Variants in DNTTIP2 observed in about 807,000 individuals in gnomAD.
The protein encoded by DNTTIP2 is deoxynucleotidyltransferase terminal interacting protein 2.
Under a neutral mutation model 62.4 loss-of-function variants are expected in DNTTIP2, and 47 were observed. The ratio of observed to expected loss-of-function variants is 0.75; its 90% CI spans 0.60 to 0.96. The LOEUF is 0.96. DNTTIP2 is among the 40% of genes least tolerant of loss of function. DNTTIP2 has a pLI of 0.00. For synonymous variants in DNTTIP2, 322 were observed against 300.9 expected, an observed-to-expected ratio of 1.07 and a Z score of -0.73; for missense variants, 870 against 849.1, an observed-to-expected ratio of 1.02 and a Z score of -0.31.
In DNTTIP2 at chr1:93,879,122, AG is replaced by A; in HGVS notation, c.26del (p.Ala9ValfsTer49). 6.2e-7 allele frequency: 1 copy of A among 1,613,638 alleles called. No individual in the cohort carries two copies. Among genetic ancestry groups the A allele is most frequent in the Non-Finnish European group, 8.5e-7 (1 of 1,179,870 alleles). On this transcript the variant is annotated frameshift_variant, in exon 1 of 7. Transcript: ENST00000436063. LOFTEE classifies it high-confidence loss of function. ...CCGACGCGGCTTGGATGCTGGCCTT[AG>A]CCCGTGCAGATCTGGTAACCACCAT... is the stretch of plus-strand genomic sequence containing the variant. MVVTRSAR[A>X]KASIQAASAE...
At position 93,866,472 on chromosome 1, in the gene DNTTIP2, C is replaced by T. The variant is rs1158379654; in HGVS notation, c.*3379G>A. The T allele has an allele frequency of 1.3e-5, 2 of 152,178 alleles. No individual in the cohort carries two copies. Among genetic ancestry groups the T allele is most frequent in the Non-Finnish European group, 2.9e-5 (2 of 68,038 alleles). 9.4% of individuals were successfully genotyped at this position (152,178 alleles called of 1,614,324 possible). On this transcript the variant is annotated 3_prime_UTR_variant, in exon 7 of 7. Transcript: ENST00000436063. The stretch of plus-strand genomic sequence containing the variant: ...TTGGGATCTATTGTAGGTAATTATT[C>T]TGAACAAGTTGTCACTGCCTGAGAG...
At chr1:93,874,963 C>T (rs938802325) in intron 3 of DNTTIP2, among the ~76,000 whole-genome samples, 1 of 152,120 alleles carries the variant, frequency 6.6e-6, no homozygotes, top group Non-Finnish European at 1.5e-5. Context: ...ATATCTTCCC[C>T]TAGAGGCTTG....
intron 4 of DNTTIP2, 84 bp from the exon 5 acceptor site, chr1:93,872,320 A>C: frequency 1.5e-6 from 2 of 1,340,618 alleles, no homozygotes; most frequent in Non-Finnish European, 2.0e-6. Context: ...ACACATACAG[A>C]AAATTTTGTA....
Position 93,869,905 on chromosome 1 carries a change from T to C in DNTTIP2, c.2217A>G (p.Lys739=). 1.3e-6 allele frequency: 1 copy of C among 780,104 alleles called. No individual in the cohort carries two copies. Among genetic ancestry groups the C allele is most frequent in the Non-Finnish European group, 2.4e-6 (1 of 417,632 alleles). The allele number at this position is 780,104 out of a possible 1,614,324, so 48.3% of individuals were successfully genotyped here. A position where few individuals can be genotyped will look rare whatever the true frequency, so the allele number is the denominator to read the frequency against. ...ACTTTTTTCCTGCTGCATTTGCTGC[T>C]TTTTCAGCCATGATCTCTGAGTACT... ...RRKYSEIMAE[K]AANAAGKKFR... The change falls in exon 7 of 7, where the codon AAA becomes AAG. Residue 739 remains lysine (K), a synonymous_variant. Coordinates refer to ENST00000436063, the MANE Select transcript of DNTTIP2 (RefSeq NM_014597.5).
intron 2 of DNTTIP2, 99 bp downstream of exon 2, chr1:93,876,169 A>AT: frequency 1.2e-6 from 1 of 865,428 alleles, no homozygotes; most frequent in Admixed American, 6.2e-5. Context: ...CAAGGCAGTG[A>AT]TTTTCTCATT....
Position 93,877,158 on chromosome 1 carries a change from A to T in DNTTIP2, c.777T>A (p.Asn259Lys). 6.2e-7 allele frequency: 1 copy of T among 1,613,072 alleles called. No homozygotes were observed. Among genetic ancestry groups the T allele is most frequent in the Non-Finnish European group, 8.5e-7 (1 of 1,179,862 alleles). Residue 259 changes from asparagine (N) to lysine (K), a missense_variant, in exon 2 of 7, where the codon AAT (asparagine) becomes AAA (lysine). Physicochemically the swap from Asn to Lys is moderately conservative, Grantham distance 94. Transcript: ENST00000436063. Reference protein sequence around the residue: ...ARSLSEINKPNFYNNDFDDDF... With the variant: ...ARSLSEINKPKFYNNDFDDDF... Reference sequence around the variant, plus strand: ...CATCATCAAAGTCATTATTATAGAAATTTGGCTTATTTATCTCAGAAAGAG... The same window carrying T: ...CATCATCAAAGTCATTATTATAGAATTTTGGCTTATTTATCTCAGAAAGAG...
chr1:93,867,953 T>C lies in DNTTIP2; in HGVS notation c.*1898A>G, dbSNP rs1333210371. 2 of 152,142 alleles carry C rather than the reference T, an allele frequency of 1.3e-5. No individual in the cohort carries two copies. Among genetic ancestry groups the C allele is most frequent in the Admixed American group, 1.3e-4 (2 of 15,262 alleles). The allele number at this position is 152,142 out of a possible 1,614,324, so 9.4% of individuals were successfully genotyped here. A position where few individuals can be genotyped will look rare whatever the true frequency, so the allele number is the denominator to read the frequency against. The stretch of plus-strand genomic sequence containing the variant: ...ATTTTGGACATAGGTATGGGCAGAC[T>C]GCATGACTAAAACACCAAAAGCAAT... On this transcript the variant is annotated 3_prime_UTR_variant, in exon 7 of 7. Coordinates refer to ENST00000436063, the MANE Select transcript of DNTTIP2 (RefSeq NM_014597.5).
rs766881565 is a variant in DNTTIP2 at position 93,873,140 on chromosome 1, A to G, written c.1881T>C (p.Tyr627=). Residue 627 remains tyrosine, a synonymous_variant, in exon 4 of 7, where the codon TAT becomes TAC. Coordinates refer to ENST00000436063, the MANE Select transcript of DNTTIP2 (RefSeq NM_014597.5). ...HCVPPYSESK[Y]QLQKKRRKER... The stretch of plus-strand genomic sequence containing the variant: ...TTACTCTGCGTTTTTTCTGAAGTTG[A>G]TACTTTGATTCACTATATGGTGGAA... 1 of 1,612,002 alleles carries G rather than the reference A, an allele frequency of 6.2e-7. No homozygotes were observed. The highest frequency in any genetic ancestry group is 8.5e-7 in the Non-Finnish European group (1 of 1,178,890).
At chr1:93,875,907 G>T in intron 2 of DNTTIP2, 124 bp from the exon 3 acceptor site, 1 of 955,978 alleles carries the variant, frequency 1.0e-6, no homozygotes, top group Admixed American at 3.2e-5. Context: ...AGAAAAAAAA[G>T]CATCTTATTT....
chr1:93,869,769 A>G lies in DNTTIP2; in HGVS notation c.*82T>C. On this transcript the variant is annotated 3_prime_UTR_variant, in exon 7 of 7. Coordinates refer to ENST00000436063, the MANE Select transcript of DNTTIP2 (RefSeq NM_014597.5). ...GGGCCAGTCTATGGTAAATTAATTT[A>G]GATGATGGTGTTAGTTTTCCAAACG... 4.3e-6 allele frequency: 3 copies of G among 705,678 alleles called. No individual in the cohort carries two copies. In the East Asian group the frequency reaches 7.6e-5, roughly 18 times the overall value. 43.7% of individuals were successfully genotyped at this position (705,678 alleles called of 1,614,324 possible).
intron 4 of DNTTIP2, 72 bp from the exon 5 acceptor site, chr1:93,872,308 T>G (rs1655886637): frequency 7.0e-7 from 1 of 1,438,024 alleles, no homozygotes; most frequent in South Asian, 1.3e-5. Flanking sequence ...TCCCCTGAAG[T>G]AACACATACA....
Position 93,877,533 on chromosome 1 carries a change from A to G in DNTTIP2, c.402T>C (p.Ser134=), listed in dbSNP as rs775794596. ...CTTCAGACACTATTTCTTCAGTGTAAGACTCCTTTGTTGGAGTTACTTTCG... is the reference window on the plus strand; with the variant it reads ...CTTCAGACACTATTTCTTCAGTGTAGGACTCCTTTGTTGGAGTTACTTTCG... ...KKPKVTPTKE[S]YTEEIVSEAE... is the part of the protein sequence containing the mutation. Residue 134 remains serine (S), a synonymous_variant, in exon 2 of 7, where the codon TCT becomes TCC. Coordinates refer to ENST00000436063, the MANE Select transcript of DNTTIP2 (RefSeq NM_014597.5). 7 of 1,614,050 alleles carry G rather than the reference A, an allele frequency of 4.3e-6. No individual in the cohort carries two copies. The South Asian group carries it at 4.4e-5, about 10-fold the overall frequency.
chr1:93,876,887 C>T lies in DNTTIP2; in HGVS notation c.1048G>A (p.Val350Met). 1 of 1,613,924 alleles carries T rather than the reference C, an allele frequency of 6.2e-7. No homozygotes were observed. Among genetic ancestry groups the T allele is most frequent in the Non-Finnish European group, 8.5e-7 (1 of 1,179,886 alleles). Residue 350 changes from valine to methionine, a missense_variant, in exon 2 of 7, where the codon GTG becomes ATG. Physicochemically the swap from Val to Met is conservative, Grantham distance 21. Transcript: ENST00000436063. The part of the protein sequence containing the change: ...STPQNKNAVS[V>M]HSNLNSEAVM... ...GCCTCAGAGTTCAGATTAGAGTGCA[C>T]TGATACAGCATTTTTATTTTGGGGG...
Position 93,869,680 on chromosome 1 carries a change from T to C in DNTTIP2, c.*171A>G, listed in dbSNP as rs1655808267. The C allele has an allele frequency of 1.8e-6, 1 of 563,566 alleles. No individual in the cohort carries two copies. The highest frequency in any genetic ancestry group is 3.2e-5 in the Admixed American group (1 of 31,110). 34.9% of individuals were successfully genotyped at this position (563,566 alleles called of 1,614,324 possible). A position where few individuals can be genotyped will look rare whatever the true frequency, so the allele number is the denominator to read the frequency against. Reference sequence around the variant, plus strand: ...GGGTGGGTCTTTTAGACACCCCTATTTTCTAAGGGCATGTAATCGATTCTC... The same window carrying C: ...GGGTGGGTCTTTTAGACACCCCTATCTTCTAAGGGCATGTAATCGATTCTC... On this transcript the variant is annotated 3_prime_UTR_variant, in exon 7 of 7. Transcript: ENST00000436063.
chr1:93,876,463 A>T lies in DNTTIP2; in HGVS notation c.1472T>A (p.Ile491Asn). 3 of 1,613,896 alleles carry T rather than the reference A, an allele frequency of 1.9e-6. No homozygotes were observed. The highest frequency in any genetic ancestry group is 2.5e-6 in the Non-Finnish European group (3 of 1,179,874). ...AGCACTCATTCCAGGAGTTGTGTCA[A>T]TTACAAACAATGCATTGTCACATGA... ...SLSCDNALFV[I>N]DTTPGMSADK... Residue 491 changes from isoleucine to asparagine, a missense_variant, in exon 2 of 7, where the codon ATT (isoleucine) becomes AAT (asparagine). Ile to Asn is a moderately radical substitution (Grantham distance 149). Coordinates refer to ENST00000436063, the MANE Select transcript of DNTTIP2 (RefSeq NM_014597.5).
Position 93,876,780 on chromosome 1 carries a change from T to G in DNTTIP2, c.1155A>C (p.Ala385=), listed in dbSNP as rs370751620. 6.9e-5 allele frequency: 111 copies of G among 1,613,990 alleles called. No homozygotes were observed. The highest frequency in any genetic ancestry group is 6.4e-4 in the African/African-American group (48 of 75,060). ...AATCACCAAACTTTGTCAAGTCACT[T>G]GCTTTTATGGGGCTCTTTTTGTTGT... The part of the protein sequence containing the change: ...WNNNKKSPIK[A]SDLTKFGDCG... Residue 385 remains alanine, a synonymous_variant, in exon 2 of 7, where the codon GCA becomes GCC. Transcript: ENST00000436063.
rs1236546152 is a variant in DNTTIP2 at position 93,869,742 on chromosome 1, CA to C, written c.*108del. 2 of 634,534 alleles carry C rather than the reference CA, an allele frequency of 3.2e-6. No individual in the cohort carries two copies. The highest frequency in any genetic ancestry group is 3.7e-5 in the African/African-American group (2 of 54,534). The allele number at this position is 634,534 out of a possible 1,614,324, so 39.3% of individuals were successfully genotyped here. On this transcript the variant is annotated 3_prime_UTR_variant, in exon 7 of 7. Transcript: ENST00000436063. ...TTCCAAATACAAATTCCTGTATGAA[CA>C]GGGCCAGTCTATGGTAAATTAATTT... is the stretch of plus-strand genomic sequence containing the variant.
chr1:93,876,925 T>A lies in DNTTIP2; in HGVS notation c.1010A>T (p.Gln337Leu). The A allele has an allele frequency of 6.2e-7, 1 of 1,613,804 alleles. No homozygotes were observed. Among genetic ancestry groups the A allele is most frequent in the Non-Finnish European group, 8.5e-7 (1 of 1,179,844 alleles). Residue 337 changes from glutamine (Q) to leucine (L), a missense_variant, in exon 2 of 7, where the codon CAG becomes CTG. By Grantham distance (113) the Gln-to-Leu change is moderately radical. Transcript: ENST00000436063. ...QDTSLQQLVSQRHSTPQNKNA... is the reference protein window; with the variant it reads ...QDTSLQQLVSLRHSTPQNKNA... ...TTTATTTTGGGGGGTTGAATGTCTCTGAGAAACTAACTGTTGAAGGCTAGT... is the reference window on the plus strand; with the variant it reads ...TTTATTTTGGGGGGTTGAATGTCTCAGAGAAACTAACTGTTGAAGGCTAGT...
rs765269546 is a variant in DNTTIP2 at position 93,877,723 on chromosome 1, G to T, written c.212C>A (p.Thr71Asn). The T allele has an allele frequency of 6.2e-7, 1 of 1,613,890 alleles. No homozygotes were observed. Among genetic ancestry groups the T allele is most frequent in the South Asian group, 1.1e-5 (1 of 91,080 alleles). Residue 71 changes from threonine (T) to asparagine (N), a missense_variant, in exon 2 of 7, where the codon ACT becomes AAT. Physicochemically the swap from Thr to Asn is moderately conservative, Grantham distance 65. Transcript: ENST00000436063. Reference protein sequence around the residue: ...TPKARKRKSRTTGSLPKGTEP... With the variant: ...TPKARKRKSRNTGSLPKGTEP... ...AGTCCCCTTTGGTAGTGAGCCTGTA[G>T]TTCTGCTCTTCCTCTTTCTAGCTTT...
Sources: allele counts gnomAD v4.1 joint callset (sites outside exome capture counted in the v4.1 genomes callset), GRCh38; gene constraint gnomAD v4.1.1; transcripts MANE v1.5; gene names NCBI Gene and HGNC (gene_info 2026-07-23, HGNC 2026-07-21).